The following AFF3 variants were observed in gnomAD, a reference collection of about 807,000 sequenced individuals.
AFF3 encodes the protein AF4/FMR2 family member 3.
A neutral mutation model predicts 129.7 loss-of-function variants in AFF3; 32 were observed. The ratio of observed to expected loss-of-function variants is 0.25; its 90% CI spans 0.19 to 0.33. The LOEUF is 0.33. AFF3 is among the 10% of genes least tolerant of loss of function. The pLI, the probability that AFF3 is intolerant of heterozygous loss-of-function variation, is 1.00. For synonymous variants in AFF3, 644 were observed against 635.4 expected (o/e 1.01, Z -0.20); for missense variants, 1,373 against 1,592.0 (o/e 0.86, Z 2.34).
At chr2:99,682,907 T>C (rs892668675) in intron 11 of AFF3, among the ~76,000 whole-genome samples, 1 of 152,232 alleles carries the variant, frequency 6.6e-6, no homozygotes, top group African/African-American at 2.4e-5. Flanking sequence ...GGCACCCTTC[T>C]GTGAATAATG....
In AFF3 at chr2:99,582,958, G is replaced by A. The variant is rs557360368; in HGVS notation, c.2633C>T (p.Ser878Leu). ...TGCATCAGAGAGGGGTGAGATGGGC[G>A]ACCGAAGCATTTTTTCATTTTTATT... ...PINKNEKMLRSPISPLSDASK... is the reference protein window; with the variant it reads ...PINKNEKMLRLPISPLSDASK... Residue 878 changes from serine (S) to leucine (L), a missense_variant, in exon 17 of 25, where the codon TCG becomes TTG. By Grantham distance (145) the Ser-to-Leu change is moderately radical (BLOSUM62 -2). Coordinates refer to ENST00000672756, the MANE Select transcript of AFF3 (RefSeq NM_001386135.1). 17 of 1,614,056 alleles carry A rather than the reference G, an allele frequency of 1.1e-5. No individual in the cohort carries two copies. The highest frequency in any genetic ancestry group is 2.2e-5 in the East Asian group (1 of 44,882).
intron 9 of AFF3, among the ~76,000 whole-genome samples, chr2:99,747,695 G>C (rs1194625810): frequency 1.3e-5 from 2 of 152,158 alleles, no homozygotes; most frequent in African/African-American, 2.4e-5. Flanking sequence ...AGGGAGTGAA[G>C]AGAGACTTCA....
chr2:100,103,500 T>C (rs1366870830), intron 4 of AFF3, among the ~76,000 whole-genome samples: 1 of 138,512 alleles, frequency 7.2e-6, no homozygotes, highest in African/African-American at 2.7e-5. Flanking sequence ...TTGGAAACAT[T>C]TAAGAGATAG....
At chr2:100,067,250 C>T (rs946843121) in intron 4 of AFF3, among the ~76,000 whole-genome samples, 9 of 151,358 alleles carry the variant, frequency 5.9e-5, no homozygotes, top group Non-Finnish European at 8.8e-5. Context: ...AAACCCCTTT[C>T]GTCCCAGGAC....
intron 7 of AFF3, among the ~76,000 whole-genome samples, chr2:99,846,497 A>G (rs994408265): frequency 6.6e-6 from 1 of 152,256 alleles, no homozygotes; most frequent in East Asian, 1.9e-4. Context: ...AAGGGATGGC[A>G]GGAAATGTAC....
At chr2:99,729,774 C>G (rs1332260930) in intron 10 of AFF3, among the ~76,000 whole-genome samples, 1 of 151,288 alleles carries the variant, frequency 6.6e-6, no homozygotes, top group African/African-American at 2.4e-5. Flanking sequence ...GCCCCCTGCC[C>G]GCCCCACCAT....
chr2:99,747,974 A>T (rs1281598150), intron 9 of AFF3, among the ~76,000 whole-genome samples: 1 of 151,992 alleles, frequency 6.6e-6, no homozygotes, highest in Non-Finnish European at 1.5e-5. Context: ...GGGGTCAGCT[A>T]CCTTACCAGG....
intron 7 of AFF3, among the ~76,000 whole-genome samples, chr2:99,915,967 CA>C (rs1179039992): frequency 6.6e-6 from 1 of 152,092 alleles, no homozygotes; most frequent in East Asian, 1.9e-4. Context: ...TTTTATTCTT[CA>C]AAAATGTAAA....
intron 4 of AFF3, among the ~76,000 whole-genome samples, chr2:100,052,794 A>AGGGGC (rs1262391023): frequency 3.3e-5 from 5 of 152,246 alleles, no homozygotes; most frequent in Non-Finnish European, 5.9e-5. Flanking sequence ...GGACTCCTGC[A>AGGGGC]GGGGCAGGGC....
chr2:99,681,908 A>T (rs868736715), intron 11 of AFF3, among the ~76,000 whole-genome samples: 27 of 139,518 alleles, frequency 1.9e-4, no homozygotes, highest in South Asian at 4.5e-4. Context: ...CCTTAATTCT[A>T]TTTTTTTTTT....
intron 11 of AFF3, among the ~76,000 whole-genome samples, chr2:99,673,401 C>T (rs866802828): frequency 6.6e-6 from 1 of 152,074 alleles, no homozygotes; most frequent in Non-Finnish European, 1.5e-5. Flanking sequence ...AGCGGGGAAG[C>T]ACGAGGTTAA....
Position 99,991,771 on chromosome 2 carries a change from C to T in AFF3, c.873+14861G>A, listed in dbSNP as rs139307017. On this transcript the variant is annotated intron_variant, in intron 7 of 24. Coordinates refer to ENST00000672756, the MANE Select transcript of AFF3 (RefSeq NM_001386135.1). ...TACAAAAATTAGCCAGGCGTGGTGG[C>T]GCATACCTGTAACCCTCGCTACTCA... 2.2e-3 allele frequency among the ~76,000 whole-genome samples: 338 copies of T among 152,114 alleles called. 1 individual carries two copies. Among genetic ancestry groups the T allele is most frequent in the African/African-American group, 7.8e-3 (322 of 41,480 alleles).
intron 11 of AFF3, among the ~76,000 whole-genome samples, chr2:99,715,287 C>T (rs545425388): frequency 3.3e-5 from 5 of 152,220 alleles, no homozygotes; most frequent in South Asian, 4.1e-4. Context: ...TAGTTTTCCA[C>T]GTTTTAGTTT....
chr2:100,087,058 A>T (rs1689500416), intron 4 of AFF3, among the ~76,000 whole-genome samples: 1 of 152,120 alleles, frequency 6.6e-6, no homozygotes, highest in Non-Finnish European at 1.5e-5. Context: ...CAGATGTATG[A>T]TGTCTGGCCA....
chr2:99,747,375 T>G (rs748323722), intron 9 of AFF3, among the ~76,000 whole-genome samples: 1 of 152,094 alleles, frequency 6.6e-6, no homozygotes, highest in Non-Finnish European at 1.5e-5. Flanking sequence ...TGTTACCCAG[T>G]CTGGAGTGCA....
chr2:99,823,295 A>G (rs1463839185), intron 8 of AFF3, among the ~76,000 whole-genome samples: 1 of 151,910 alleles, frequency 6.6e-6, no homozygotes, highest in Non-Finnish European at 1.5e-5. Flanking sequence ...GTTAAACTGA[A>G]TTCAAAAACA....
At chr2:100,021,512 A>T (rs1348294323) in intron 4 of AFF3, among the ~76,000 whole-genome samples, 1 of 152,210 alleles carries the variant, frequency 6.6e-6, no homozygotes, top group African/African-American at 2.4e-5. Flanking sequence ...CCTGAGTCCT[A>T]CATTTTATTT....
At chr2:100,037,379 T>C (rs1685004194) in intron 4 of AFF3, among the ~76,000 whole-genome samples, 1 of 143,466 alleles carries the variant, frequency 7.0e-6, no homozygotes, top group Non-Finnish European at 1.5e-5. Flanking sequence ...TATACATACA[T>C]GTATGGGGGG....
chr2:99,736,040 C>T (rs2105071929), intron 10 of AFF3, among the ~76,000 whole-genome samples: 1 of 152,166 alleles, frequency 6.6e-6, no homozygotes, highest in Non-Finnish European at 1.5e-5. Flanking sequence ...TCTGTTGAAA[C>T]TTGCTTTATG....
Sources: gnomAD v4.1 joint callset for allele counts (sites outside exome capture counted in the v4.1 genomes callset) on GRCh38, gnomAD v4.1.1 for gene constraint, MANE v1.5 for transcripts, NCBI Gene and HGNC (gene_info 2026-07-23, HGNC 2026-07-21) for gene names.